Variants in CDH18 observed in about 807,000 individuals in gnomAD.
The protein encoded by CDH18 is cadherin-18.
In CDH18, 31 loss-of-function variants were observed where a neutral mutation model predicts 67.9. The observed-to-expected ratio is 0.46, with a 90% CI of 0.34 to 0.62. The LOEUF is 0.62. CDH18 is among the 20% of genes least tolerant of loss of function. The probability of loss-of-function intolerance (pLI) is 0.01; values close to 1 mark genes in which losing one functional copy is unlikely to be tolerated. For missense variants in CDH18, 890 were observed against 975.5 expected (o/e 0.91, Z 1.17); for synonymous variants, 362 against 347.2 (o/e 1.04, Z -0.48).
At chr5:19,667,654 CAG>C (rs34310047) in intron 5 of CDH18, among the ~76,000 whole-genome samples, 84,712 of 150,872 alleles carry the variant, frequency 0.56, 26,917 homozygotes, top group East Asian at 0.74. Context: ...CCAATTTAAA[CAG>C]ATAAAATTAC....
At chr5:20,266,308 A>C (rs978159794) in intron 1 of CDH18, among the ~76,000 whole-genome samples, 5 of 152,196 alleles carry the variant, frequency 3.3e-5, no homozygotes, top group African/African-American at 4.8e-5. Flanking sequence ...AAAGCTTTGC[A>C]GTCTAAACAT....
intron 10 of CDH18, among the ~76,000 whole-genome samples, chr5:19,514,520 T>A (rs1418529759): frequency 6.6e-6 from 1 of 152,214 alleles, no homozygotes; most frequent in African/African-American, 2.4e-5. Flanking sequence ...GTTTCCTGAC[T>A]TTTTAGTGAT....
chr5:20,425,962 C>A (rs1748271528), intron 1 of CDH18, among the ~76,000 whole-genome samples: 1 of 151,018 alleles, frequency 6.6e-6, no homozygotes, highest in African/African-American at 2.5e-5. Flanking sequence ...AGACTCTATG[C>A]CAAATAGGTA....
At chr5:20,402,380 C>A (rs1039006171) in intron 1 of CDH18, among the ~76,000 whole-genome samples, 4 of 152,064 alleles carry the variant, frequency 2.6e-5, no homozygotes, top group African/African-American at 9.7e-5. Context: ...GGCCCTGTAC[C>A]AATGCTTGTG....
At chr5:20,326,150 T>C (rs1201058562) in intron 1 of CDH18, among the ~76,000 whole-genome samples, 2 of 152,192 alleles carry the variant, frequency 1.3e-5, no homozygotes, top group Non-Finnish European at 2.9e-5. Context: ...AGTTCTCAAC[T>C]TTATACATTA....
At chr5:19,831,530 T>C (rs1168782282) in intron 3 of CDH18, among the ~76,000 whole-genome samples, 1 of 151,936 alleles carries the variant, frequency 6.6e-6, no homozygotes, top group Non-Finnish European at 1.5e-5. Flanking sequence ...ATCAGAGAAA[T>C]GCAAATCAAA....
chr5:20,573,364 G>C (rs1435933560), intron 1 of CDH18, among the ~76,000 whole-genome samples: 1 of 150,916 alleles, frequency 6.6e-6, no homozygotes, highest in Admixed American at 6.6e-5. Context: ...TTTTTTAATT[G>C]CATATAAGCC....
intron 5 of CDH18, among the ~76,000 whole-genome samples, chr5:19,695,577 T>C (rs575849102): frequency 4.1e-4 from 63 of 152,330 alleles, no homozygotes; most frequent in Admixed American, 1.0e-3. Flanking sequence ...ATCACAATTA[T>C]TGTTTCAAAG....
intron 1 of CDH18, among the ~76,000 whole-genome samples, chr5:20,262,884 T>C (rs1032703303): frequency 4.0e-5 from 6 of 151,134 alleles, no homozygotes; most frequent in Non-Finnish European, 8.8e-5. Flanking sequence ...ACTCATTATA[T>C]TCTTCAACAC....
intron 2 of CDH18, among the ~76,000 whole-genome samples, chr5:20,249,413 G>C (rs535677782): frequency 7.2e-5 from 9 of 124,400 alleles, no homozygotes; most frequent in South Asian, 2.5e-4. Flanking sequence ...GACGGAGTCT[G>C]GCTCTGTCGC....
intron 3 of CDH18, among the ~76,000 whole-genome samples, chr5:19,802,181 T>G (rs943294229): frequency 6.6e-5 from 10 of 152,140 alleles, no homozygotes; most frequent in Non-Finnish European, 1.3e-4. Flanking sequence ...TAATTAAAAA[T>G]AGTTTATGCT....
chr5:19,855,079 C>T (rs1429906770), intron 2 of CDH18, among the ~76,000 whole-genome samples: 1 of 151,838 alleles, frequency 6.6e-6, no homozygotes, highest in Non-Finnish European at 1.5e-5. Flanking sequence ...AGATTTCATT[C>T]TTTTTTATGG....
chr5:19,962,887 T>C (rs922249597), intron 2 of CDH18, among the ~76,000 whole-genome samples: 1 of 152,136 alleles, frequency 6.6e-6, no homozygotes, highest in African/African-American at 2.4e-5. Context: ...CAATGTCCCA[T>C]CTAATTCACC....
intron 5 of CDH18, among the ~76,000 whole-genome samples, chr5:19,657,912 T>A (rs1756621202): frequency 6.6e-6 from 1 of 152,204 alleles, no homozygotes; most frequent in African/African-American, 2.4e-5. Context: ...GGCTAAGATT[T>A]TGAACATGAG....
At chr5:19,515,299 T>C (rs2126861303) in intron 10 of CDH18, among the ~76,000 whole-genome samples, 1 of 152,328 alleles carries the variant, frequency 6.6e-6, no homozygotes, top group African/African-American at 2.4e-5. Flanking sequence ...AGCTTTGTTC[T>C]TTTTGCTTAG....
At chr5:20,417,934 T>C (rs1380171013) in intron 1 of CDH18, among the ~76,000 whole-genome samples, 1 of 152,184 alleles carries the variant, frequency 6.6e-6, no homozygotes, top group African/African-American at 2.4e-5. Context: ...CCTAAGCACT[T>C]TTCACGTATG....
At chr5:19,870,532 T>C (rs186806841) in intron 2 of CDH18, among the ~76,000 whole-genome samples, 79 of 152,226 alleles carry the variant, frequency 5.2e-4, no homozygotes, top group African/African-American at 1.9e-3. Context: ...TATCCTTATG[T>C]TATAAGATGC....
intron 1 of CDH18, among the ~76,000 whole-genome samples, chr5:20,323,223 A>G (rs545503693): frequency 2.3e-4 from 35 of 152,272 alleles, no homozygotes; most frequent in African/African-American, 8.4e-4. Flanking sequence ...TTAGAATACA[A>G]CTTAGCAGTA....
At chr5:20,501,265 A>T (rs62355186) in intron 1 of CDH18, among the ~76,000 whole-genome samples, 32,164 of 151,174 alleles carry the variant, frequency 0.21, 4,059 homozygotes, top group East Asian at 0.39. Flanking sequence ...GCAAATATCC[A>T]TGTGTAGTCA....
Sources: allele counts gnomAD v4.1 joint callset (sites outside exome capture counted in the v4.1 genomes callset), GRCh38; gene constraint gnomAD v4.1.1; transcripts MANE v1.5; gene names NCBI Gene and HGNC (gene_info 2026-07-23, HGNC 2026-07-21).